SNAP47: variants seen among roughly 807,000 people sequenced by gnomAD.
SNAP47 encodes synaptosomal-associated protein 47.
SNAP47 carries 20 observed loss-of-function variants against 31.4 expected under a neutral mutation model. The observed-to-expected ratio is 0.64, with a 90% CI of 0.45 to 0.93. SNAP47 has a LOEUF of 0.93. Among genes scored for constraint, SNAP47 ranks in the 40% least tolerant of loss-of-function variants. The probability of loss-of-function intolerance (pLI) is 0.00; values close to 1 mark genes in which losing one functional copy is unlikely to be tolerated. For missense variants in SNAP47, 492 were observed against 528.5 expected (o/e 0.93, Z 0.68); for synonymous variants, 194 against 213.4 (o/e 0.91, Z 0.79).
At chr1:227,774,775 C>T (rs1399260794) in intron 4 of SNAP47, among the ~76,000 whole-genome samples, 5 of 152,244 alleles carry the variant, frequency 3.3e-5, no homozygotes, top group Admixed American at 1.3e-4. Context: ...GGTTCTTCCA[C>T]GTGTGCGATG....
chr1:227,746,690 C>T (rs1329966710), intron 1 of SNAP47: 1 of 152,200 alleles, frequency 6.6e-6, no homozygotes, highest in African/African-American at 2.4e-5. Flanking sequence ...CATGGAAAGC[C>T]CACACTTTTT....
At chr1:227,732,499 C>T (rs368349932), upstream of SNAP47, 22 of 1,613,230 alleles carry the variant, frequency 1.4e-5, no homozygotes, top group African/African-American at 2.8e-4. Context: ...GGGTGCGCAA[C>T]CAAGGAGGCC....
At chr1:227,776,086 G>C in intron 4 of SNAP47, 1 of 1,182,222 alleles carries the variant, frequency 8.5e-7, no homozygotes, top group Non-Finnish European at 1.1e-6. Context: ...TGTGCCTCTT[G>C]CTGCCTGCCT....
At chr1:227,777,431 C>T (rs1326342240) in intron 4 of SNAP47, among the ~76,000 whole-genome samples, 1 of 152,060 alleles carries the variant, frequency 6.6e-6, no homozygotes, top group Non-Finnish European at 1.5e-5. Context: ...GGAGGTGGCC[C>T]CAGGTGGACG....
At chr1:227,754,986 G>A (rs1662606400) in intron 2 of SNAP47, among the ~76,000 whole-genome samples, 1 of 151,928 alleles carries the variant, frequency 6.6e-6, no homozygotes, top group African/African-American at 2.4e-5. Flanking sequence ...TCTTGGCCAA[G>A]GGGATTCCAA....
At chr1:227,732,644 A>T (rs771105940), upstream of SNAP47, 2 of 1,613,386 alleles carry the variant, frequency 1.2e-6, no homozygotes, top group Non-Finnish European at 1.7e-6. Context: ...AAAACTCTTC[A>T]AAGTTGATGC....
chr1:227,731,190 G>A (rs1660619768), upstream of SNAP47: 2 of 152,392 alleles, frequency 1.3e-5, no homozygotes, highest in South Asian at 4.1e-4. Flanking sequence ...CTGGAAAGCT[G>A]TTGGCTGGAG....
At chr1:227,776,105 C>T (rs1322947708) in intron 4 of SNAP47, 1 of 1,172,762 alleles carries the variant, frequency 8.5e-7, no homozygotes, top group Admixed American at 3.7e-5. Flanking sequence ...CTGAGTCACC[C>T]AGGGCTGCTC....
At chr1:227,770,150 G>A (rs763206684) in intron 4 of SNAP47, among the ~76,000 whole-genome samples, 18 of 152,228 alleles carry the variant, frequency 1.2e-4, no homozygotes, top group Non-Finnish European at 2.2e-4. Flanking sequence ...CTGCCTTATG[G>A]CATGGGGCGA....
chr1:227,737,811 T>C (rs1245382148), intron 1 of SNAP47, among the ~76,000 whole-genome samples: 1 of 152,048 alleles, frequency 6.6e-6, no homozygotes, highest in African/African-American at 2.4e-5. Flanking sequence ...GAGAGTTGTT[T>C]TGGGGATTGT....
chr1:227,756,933 C>A lies in SNAP47; in HGVS notation c.498-2062C>A, dbSNP rs73093344. 8.1e-3 allele frequency among the ~76,000 whole-genome samples: 1,237 copies of A among 152,326 alleles called. 20 individuals are homozygous for A. The highest frequency in any genetic ancestry group is 0.028 in the African/African-American group (1,176 of 41,562). On this transcript the variant is annotated intron_variant, in intron 2 of 4. Coordinates refer to ENST00000617596, the MANE Select transcript of SNAP47 (RefSeq NM_053052.4). ...GGAGCAGGCCTCCTGCCAGGGAGCC[C>A]AAGAGGCAGGGAAGCAGGTTGTTCA...
chr1:227,734,731 G>A (rs752050582), upstream of SNAP47: 2 of 1,614,080 alleles, frequency 1.2e-6, no homozygotes, highest in South Asian at 2.2e-5. Context: ...TCCAGTAGGT[G>A]ATGTAGTCTC....
intron 2 of SNAP47, among the ~76,000 whole-genome samples, chr1:227,751,754 T>TG: frequency 1.7e-5 from 1 of 58,104 alleles, no homozygotes; most frequent in South Asian, 6.2e-4. Context: ...GTTTTTTTTT[T>TG]TTTTTTTTTT....
intron 1 of SNAP47, chr1:227,745,969 G>A (rs559997718): frequency 4.6e-5 from 7 of 152,382 alleles, no homozygotes; most frequent in Admixed American, 2.0e-4. Flanking sequence ...GTCTCATCCT[G>A]TCTAGGCTTC....
intron 2 of SNAP47, among the ~76,000 whole-genome samples, chr1:227,750,937 C>A (rs1386261831): frequency 1.3e-5 from 2 of 152,132 alleles, no homozygotes; most frequent in African/African-American, 4.8e-5. Context: ...GCTGCCAAGG[C>A]ACACGATTAT....
intron 1 of SNAP47, 132 bp from the exon 2 acceptor site, chr1:227,747,560 G>A: frequency 1.1e-6 from 1 of 870,856 alleles, no homozygotes; most frequent in South Asian, 1.8e-5. Flanking sequence ...GCAGCCACAG[G>A]TGGATCGAGA....
chr1:227,747,880 C>T lies in SNAP47; in HGVS notation c.144C>T (p.Phe48=), dbSNP rs1662073858. The T allele has an allele frequency of 3.1e-6, 5 of 1,614,070 alleles. No individual in the cohort carries two copies. The highest frequency in any genetic ancestry group is 2.7e-5 in the African/African-American group (2 of 74,930). The change falls in exon 2 of 5, where the codon TTC becomes TTT. Residue 48 remains phenylalanine (F), a synonymous_variant. Transcript: ENST00000617596. The part of the protein sequence containing the change: ...TDSTGEILVS[F]PLSSIVEIKK... ...GCACTGGAGAGATTCTGGTCAGCTTCCCCCTCTCCAGCATAGTTGAGATCA... is the reference window on the plus strand; with the variant it reads ...GCACTGGAGAGATTCTGGTCAGCTTTCCCCTCTCCAGCATAGTTGAGATCA...
chr1:227,735,494 C>T lies in SNAP47; in HGVS notation c.-51C>T, dbSNP rs114487068. 4.5e-3 allele frequency: 6,396 copies of T among 1,410,156 alleles called. 176 individuals are homozygous for T. In the South Asian group the frequency reaches 0.05, roughly 11 times the overall value. 87.4% of individuals were successfully genotyped at this position (1,410,156 alleles called of 1,614,324 possible). Reference sequence around the variant, plus strand: ...TCGGCTCTGGGACTCGTCTGGCGTCCCTCAGGTGAGCGACGGTGTTGGTCT... The same window carrying T: ...TCGGCTCTGGGACTCGTCTGGCGTCTCTCAGGTGAGCGACGGTGTTGGTCT... On this transcript the variant is annotated 5_prime_UTR_variant, in exon 1 of 5. Transcript: ENST00000617596.
chr1:227,765,120 T>G (rs1385819255), intron 3 of SNAP47, among the ~76,000 whole-genome samples: 1 of 152,132 alleles, frequency 6.6e-6, no homozygotes, highest in Non-Finnish European at 1.5e-5. Flanking sequence ...AAGCACACAG[T>G]CCTTCAGCTC....
Sources: gnomAD v4.1 joint callset for allele counts (sites outside exome capture counted in the v4.1 genomes callset) on GRCh38, gnomAD v4.1.1 for gene constraint, MANE v1.5 for transcripts, NCBI Gene and HGNC (gene_info 2026-07-23, HGNC 2026-07-21) for gene names.